The following BEGAIN variants were observed in gnomAD, a reference collection of about 807,000 sequenced individuals.
The protein encoded by BEGAIN is brain enriched guanylate kinase associated.
BEGAIN carries 19 observed loss-of-function variants against 35.8 expected under a neutral mutation model. The observed-to-expected ratio is 0.53, with a 90% CI of 0.37 to 0.78. The LOEUF (loss-of-function observed/expected upper bound fraction) is 0.78, where lower values mean the gene tolerates loss of function less well. Among genes scored for constraint, BEGAIN ranks in the 30% least tolerant of loss-of-function variants. BEGAIN has a pLI of 0.00. For missense variants in BEGAIN, 795 were observed against 853.6 expected, an observed-to-expected ratio of 0.93 and a Z score of 0.85; for synonymous variants, 462 against 388.6, an observed-to-expected ratio of 1.19 and a Z score of -2.22.
Position 100,537,707 on chromosome 14 carries a change from T to G in BEGAIN, c.*262A>C. The G allele has an allele frequency of 2.2e-6, 1 of 446,504 alleles. No individual in the cohort carries two copies. The highest frequency in any genetic ancestry group is 3.9e-6 in the Non-Finnish European group (1 of 255,512). The allele number at this position is 446,504 out of a possible 1,614,324, so 27.7% of individuals were successfully genotyped here. A position where few individuals can be genotyped will look rare whatever the true frequency, so the allele number is the denominator to read the frequency against. ...TAGTTTCGCTTTATAAAAGGGGGGA[T>G]GCTCCTCTCACATGGGGGAAGGACG... On this transcript the variant is annotated 3_prime_UTR_variant, in exon 7 of 7. Coordinates refer to ENST00000554140, the MANE Select transcript of BEGAIN (RefSeq NM_001385089.1).
At chr14:100,550,531 C>G (rs1369704542) in intron 2 of BEGAIN, 2 of 398,876 alleles carry the variant, frequency 5.0e-6, no homozygotes, top group Non-Finnish European at 8.8e-6. Context: ...GAGGACAGAG[C>G]TGCTCAGAAC....
At chr14:100,576,841 G>C (rs1041486524) in intron 1 of BEGAIN, among the ~76,000 whole-genome samples, 1 of 152,166 alleles carries the variant, frequency 6.6e-6, no homozygotes, top group Non-Finnish European at 1.5e-5. Flanking sequence ...GTGTGGACGG[G>C]GTACGAGGAA....
chr14:100,543,900 C>T lies in BEGAIN; in HGVS notation c.366G>A (p.Leu122=). Residue 122 remains leucine, a synonymous_variant, in exon 5 of 7, where the codon CTG becomes CTA. Coordinates refer to ENST00000554140, the MANE Select transcript of BEGAIN (RefSeq NM_001385089.1). ...TGTCGATGGTCACCTTGGCTTCTAGCAGATGGCTGTTGAGGGCAACAATCT... is the reference window on the plus strand; with the variant it reads ...TGTCGATGGTCACCTTGGCTTCTAGTAGATGGCTGTTGAGGGCAACAATCT... ...SHEIVALNSH[L]LEAKVTIDKL... 2.5e-6 allele frequency: 4 copies of T among 1,613,680 alleles called. No homozygotes were observed. Among genetic ancestry groups the T allele is most frequent in the Middle Eastern group, 1.7e-4 (1 of 6,060 alleles).
At position 100,538,575 on chromosome 14, in the gene BEGAIN, C is replaced by A; in HGVS notation, c.1233G>T (p.Leu411=). The stretch of plus-strand genomic sequence containing the variant: ...GCAGGCTCCACAGGTTTGGGGGCAT[C>A]AGGGCCTGCTGGGGACCCGGAGAGG... ...FPASPGPQQA[L]MPPNLWSLRA... is the part of the protein sequence containing the mutation. Residue 411 remains leucine (L), a synonymous_variant, in exon 7 of 7, where the codon CTG becomes CTT. Coordinates refer to ENST00000554140, the MANE Select transcript of BEGAIN (RefSeq NM_001385089.1). The A allele has an allele frequency of 6.5e-7, 1 of 1,545,764 alleles. No homozygotes were observed. Among genetic ancestry groups the A allele is most frequent in the East Asian group, 2.4e-5 (1 of 42,426 alleles).
intron 1 of BEGAIN, among the ~76,000 whole-genome samples, chr14:100,572,601 G>A (rs2035108762): frequency 6.6e-6 from 1 of 152,172 alleles, no homozygotes; most frequent in African/African-American, 2.4e-5. Flanking sequence ...GAGGAAATGA[G>A]CCTAACATGT....
rs538125551 is a variant in BEGAIN, at chr14:100,573,477, C to T, written c.43-5538G>A. ...TCTGCCATGAGGTGGATGGGAGCCC[C>T]TGGAGGGATGAATGGGGGCGTCTCT... On this transcript the variant is annotated intron_variant, in intron 1 of 6. Coordinates refer to ENST00000554140, the MANE Select transcript of BEGAIN (RefSeq NM_001385089.1). The surrounding 1 kb of genome is among the most constrained non-coding windows in gnomAD (Gnocchi z 4.2). Among the ~76,000 whole-genome samples, 2 of 151,956 alleles carry T rather than the reference C, an allele frequency of 1.3e-5. No individual in the cohort carries two copies. Among genetic ancestry groups the T allele is most frequent in the East Asian group, 3.9e-4 (2 of 5,134 alleles).
In BEGAIN at chr14:100,546,410, C is replaced by CCTCACCTGCGCAGCTT; in HGVS notation, c.233+90_233+91insAAGCTGCGCAGGTGAG. The CCTCACCTGCGCAGCTT allele has an allele frequency of 1.0e-4, 6 of 59,766 alleles. 2 individuals are homozygous for CCTCACCTGCGCAGCTT. The highest frequency in any genetic ancestry group is 4.2e-4 in the African/African-American group (4 of 9,418). The allele number at this position is 59,766 out of a possible 1,614,324, so 3.7% of individuals were successfully genotyped here. Reference sequence around the variant, plus strand: ...GCCCCGCCCCGGCCCTCGCCCCGCCCCGGCCCTCGCCCCGCCCCGGCCCTC... The same window carrying CCTCACCTGCGCAGCTT: ...GCCCCGCCCCGGCCCTCGCCCCGCCCCTCACCTGCGCAGCTTCGGCCCTCGCCCCGCCCCGGCCCTC... On this transcript the variant is annotated intron_variant, in intron 3 of 6. Coordinates refer to ENST00000554140, the MANE Select transcript of BEGAIN (RefSeq NM_001385089.1).
At position 100,537,571 on chromosome 14, in the gene BEGAIN, C is replaced by T. The variant is rs1458297630; in HGVS notation, c.*398G>A. On this transcript the variant is annotated 3_prime_UTR_variant, in exon 7 of 7. Transcript: ENST00000554140. ...CCCTTCCCTTCCAAGGGGCAGGCCC[C>T]ACGCACCCTCGCCCAAAAAATAAAG... 5.6e-6 allele frequency: 1 copy of T among 179,646 alleles called. No individual in the cohort carries two copies. Among genetic ancestry groups the T allele is most frequent in the Non-Finnish European group, 1.2e-5 (1 of 85,944 alleles). 11.1% of individuals were successfully genotyped at this position (179,646 alleles called of 1,614,324 possible).
chr14:100,554,919 T>G (rs2033562491), intron 2 of BEGAIN, among the ~76,000 whole-genome samples: 1 of 151,580 alleles, frequency 6.6e-6, no homozygotes, highest in Admixed American at 6.5e-5. Flanking sequence ...GCCTTCGGGC[T>G]GTGCACATGC....
intron 6 of BEGAIN, chr14:100,540,026 C>G (rs11848244): frequency 0.012 from 1,956 of 163,140 alleles, 44 homozygotes; most frequent in African/African-American, 0.042. Flanking sequence ...GGCCCATCTG[C>G]CCTTGGCATC....
chr14:100,569,834 G>C (rs929457314), intron 1 of BEGAIN: 1 of 154,676 alleles, frequency 6.5e-6, no homozygotes, highest in Non-Finnish European at 1.5e-5. Context: ...CTCTCCAGGG[G>C]CTAATGAGGA....
rs115830172 is a variant in BEGAIN at position 100,546,885 on chromosome 14, C to T, written c.72-223G>A. 2.8e-3 allele frequency: 1,199 copies of T among 431,994 alleles called. 16 individuals are homozygous for T. Among genetic ancestry groups the T allele is most frequent in the African/African-American group, 0.022 (1,062 of 48,032 alleles). 26.8% of individuals were successfully genotyped at this position (431,994 alleles called of 1,614,324 possible). ...CAGAGTCAGGGACTCTGACCCTGAG[C>T]CAGTCTGGCCTGGGCGGTTCCTCAG... On this transcript the variant is annotated intron_variant, in intron 2 of 6. Coordinates refer to ENST00000554140, the MANE Select transcript of BEGAIN (RefSeq NM_001385089.1).
chr14:100,587,202 T>TCCGCGC (rs1169246689), intron 1 of BEGAIN, 47 bp downstream of exon 1: 73 of 172,154 alleles, frequency 4.2e-4, no homozygotes, highest in Admixed American at 5.9e-4. Flanking sequence ...CCGCCCCGCC[T>TCCGCGC]CCGCGCCCGC....
At chr14:100,578,094 C>A in intron 1 of BEGAIN, 1 of 397,904 alleles carries the variant, frequency 2.5e-6, no homozygotes, top group South Asian at 1.4e-4. Flanking sequence ...AGATGCCCGC[C>A]TGCCCATTGA....
At chr14:100,556,320 G>A (rs2033717400) in intron 2 of BEGAIN, among the ~76,000 whole-genome samples, 1 of 144,646 alleles carries the variant, frequency 6.9e-6, no homozygotes, top group Non-Finnish European at 1.5e-5. Context: ...CATCTTATCA[G>A]GCAGCCGCAG....
At position 100,538,167 on chromosome 14, in the gene BEGAIN, C is replaced by A. The variant is rs1423493415; in HGVS notation, c.1641G>T (p.Leu547=). The A allele has an allele frequency of 6.5e-7, 1 of 1,533,156 alleles. No homozygotes were observed. The highest frequency in any genetic ancestry group is 1.2e-5 in the South Asian group (1 of 80,552). The allele number at this position is 1,533,156 out of a possible 1,614,324, so 95.0% of individuals were successfully genotyped here. A position where few individuals can be genotyped will look rare whatever the true frequency, so the allele number is the denominator to read the frequency against. Reference sequence around the variant, plus strand: ...GCTCAGGGCTGCTGGCGGTCCCACACAGCTGCACCCCGAGCCTGTCCCCGT... The same window carrying A: ...GCTCAGGGCTGCTGGCGGTCCCACAAAGCTGCACCCCGAGCCTGTCCCCGT... ...GGDGDRLGVQ[L]CGTASSPEPE... The change falls in exon 7 of 7, where the codon CTG becomes CTT. Residue 547 remains leucine (L), a synonymous_variant. Transcript: ENST00000554140.
intron 1 of BEGAIN, among the ~76,000 whole-genome samples, chr14:100,587,024 G>C (rs1382678140): frequency 2.0e-5 from 3 of 151,892 alleles, no homozygotes; most frequent in Non-Finnish European, 4.4e-5. Context: ...GCGCGCGGAG[G>C]CTGGGCATCC....
intron 2 of BEGAIN, among the ~76,000 whole-genome samples, chr14:100,565,107 G>A (rs1458131762): frequency 5.3e-5 from 8 of 152,220 alleles, no homozygotes; most frequent in Admixed American, 5.2e-4. Flanking sequence ...GATCTGTTGT[G>A]GGCCTCTGTC....
rs903012160 is a variant in BEGAIN, at chr14:100,568,716, G to A, written c.43-777C>T. On this transcript the variant is annotated intron_variant, in intron 1 of 6. Coordinates refer to ENST00000554140, the MANE Select transcript of BEGAIN (RefSeq NM_001385089.1). This position sits in a 1 kb window ranked among gnomAD's most constrained non-coding sequence, Gnocchi z 7.5. Reference sequence around the variant, plus strand: ...CCGCCGCCGTTAACCTTGTGGGCGCGGGCGAGCGACGGGGACCGCGAGCGG... The same window carrying A: ...CCGCCGCCGTTAACCTTGTGGGCGCAGGCGAGCGACGGGGACCGCGAGCGG... Among the ~76,000 whole-genome samples, 7 of 151,754 alleles carry A rather than the reference G, an allele frequency of 4.6e-5. No individual in the cohort carries two copies. The highest frequency in any genetic ancestry group is 1.5e-4 in the African/African-American group (6 of 41,362).
Sources: gnomAD v4.1 joint callset for allele counts (sites outside exome capture counted in the v4.1 genomes callset) on GRCh38, gnomAD v4.1.1 for gene constraint, Gnocchi (gnomAD v3.1) non-coding constraint, MANE v1.5 for transcripts, NCBI Gene and HGNC (gene_info 2026-07-23, HGNC 2026-07-21) for gene names.